The following MTHFD1 variants were observed in gnomAD, a reference collection of about 807,000 sequenced individuals.
MTHFD1 encodes methylenetetrahydrofolate dehydrogenase, cyclohydrolase and formyltetrahydrofolate synthetase 1, also known as C-1-tetrahydrofolate synthase, cytoplasmic.
A neutral mutation model predicts 110.3 loss-of-function variants in MTHFD1; 44 were observed. That is an observed-to-expected ratio of 0.40 (90% CI 0.31 to 0.51). MTHFD1 has a LOEUF of 0.51. Among genes scored for constraint, MTHFD1 ranks in the 20% least tolerant of loss-of-function variants. The probability of loss-of-function intolerance (pLI) is 0.60; values close to 1 mark genes in which losing one functional copy is unlikely to be tolerated. For synonymous variants in MTHFD1, 402 were observed against 428.8 expected, an observed-to-expected ratio of 0.94 and a Z score of 0.77; for missense variants, 909 against 1,173.1, an observed-to-expected ratio of 0.77 and a Z score of 3.29.
At chr14:64,393,786 T>C (rs1453192648) in intron 1 of MTHFD1, among the ~76,000 whole-genome samples, 1 of 152,134 alleles carries the variant, frequency 6.6e-6, no homozygotes, top group Non-Finnish European at 1.5e-5. Flanking sequence ...TGAAGAATCT[T>C]CTAGAAGGAA....
At position 64,397,182 on chromosome 14, in the gene MTHFD1, TATATATATAAAA is replaced by T. The variant is rs1208082390; in HGVS notation, c.42-3609_42-3598del. ...ATATATATATATATATATATATATATATATATATAAAAAACAGTAATCTATTGGGGCAGGGGA... is the reference window on the plus strand; with the variant it reads ...ATATATATATATATATATATATATATAACAGTAATCTATTGGGGCAGGGGA... On this transcript the variant is annotated intron_variant, in intron 1 of 27. Transcript: ENST00000652337. 7.6e-3 allele frequency among the ~76,000 whole-genome samples: 115 copies of T among 15,200 alleles called. 3 individuals carry two copies. The highest frequency in any genetic ancestry group is 9.1e-3 in the Non-Finnish European group (81 of 8,914). 10.0% of individuals were successfully genotyped at this position (15,200 alleles called of 152,430 possible).
In MTHFD1 at chr14:64,416,246, A is replaced by AAAACAAAC. The variant is rs143248526; in HGVS notation, c.478+510_478+511insCAAACAAA. On this transcript the variant is annotated intron_variant, in intron 6 of 27. Coordinates refer to ENST00000652337, the MANE Select transcript of MTHFD1 (RefSeq NM_005956.4). ...GGCAACAGAGCGAGACTCTGTCTCT[A>AAAACAAAC]AAATAAACAAACAAACAAACAAACA... Among the ~76,000 whole-genome samples the AAAACAAAC allele has an allele frequency of 2.1e-3, 319 of 148,966 alleles. 2 individuals are homozygous for AAAACAAAC. The highest frequency in any genetic ancestry group is 5.2e-3 in the South Asian group (25 of 4,774).
intron 18 of MTHFD1, 90 bp from the exon 19 acceptor site, chr14:64,441,295 C>A: frequency 1.6e-6 from 2 of 1,237,874 alleles, no homozygotes; most frequent in Admixed American, 1.7e-5. Context: ...AGATGGCTAA[C>A]ATGGGTAAGC....
Position 64,453,874 on chromosome 14 carries a change from T to A in MTHFD1, c.2565+13T>A. The A allele has an allele frequency of 2.6e-6, 4 of 1,542,144 alleles. No homozygotes were observed. The South Asian group carries it at 4.5e-5, about 17-fold the overall frequency. On this transcript the variant is annotated intron_variant, in intron 25 of 27. Transcript: ENST00000652337. ...CTACACGAAGCAGGTAGATGTTTGG[T>A]TAGTTTGTCCTTTCAACTCTTTGCA... is the stretch of plus-strand genomic sequence containing the variant.
In MTHFD1 at chr14:64,417,513, C is replaced by T. The variant is rs138766534; in HGVS notation, c.479-375C>T. 6.6e-6 allele frequency among the ~76,000 whole-genome samples: 1 copy of T among 152,180 alleles called. No individual in the cohort carries two copies. Among genetic ancestry groups the T allele is most frequent in the African/African-American group, 2.4e-5 (1 of 41,440 alleles). ...ACATCTCTCCAGCCTGTTACATACA[C>T]CCTATTTGTTTTAACTTTTTTTCCC... On this transcript the variant is annotated intron_variant, in intron 6 of 27. Transcript: ENST00000652337. The surrounding 1 kb of genome is among the most constrained non-coding windows in gnomAD (Gnocchi z 4.4).
intron 1 of MTHFD1, among the ~76,000 whole-genome samples, chr14:64,394,492 C>T (rs1413832776): frequency 1.3e-5 from 2 of 152,026 alleles, no homozygotes; most frequent in Non-Finnish European, 2.9e-5. Flanking sequence ...AAGTTATAGT[C>T]CAATTTTGAC....
Position 64,449,528 on chromosome 14 carries a change from G to A in MTHFD1, c.2363G>A (p.Trp788Ter). ...TTTGATGCCGTGAAGTGCACTCACT[G>A]GGCAGAAGGGGGCAAGGGTGCCTTA... ...GAFDAVKCTH[W>*]AEGGKGALAL... Residue 788 changes from tryptophan (W) to a stop codon, truncating the protein, a stop_gained, in exon 24 of 28, where the codon TGG becomes TAG. Transcript: ENST00000652337. LOFTEE classifies it high-confidence loss of function. 6.2e-7 allele frequency: 1 copy of A among 1,614,192 alleles called. No individual in the cohort carries two copies. Among genetic ancestry groups the A allele is most frequent in the Non-Finnish European group, 8.5e-7 (1 of 1,180,032 alleles).
chr14:64,390,814 A>G (rs1443676846), intron 1 of MTHFD1, among the ~76,000 whole-genome samples: 1 of 151,996 alleles, frequency 6.6e-6, no homozygotes, highest in Admixed American at 6.5e-5. Flanking sequence ...CCGTCCGGCT[A>G]ATTTTTGTAT....
At chr14:64,452,692 A>G (rs1436131300) in intron 24 of MTHFD1, among the ~76,000 whole-genome samples, 2 of 152,118 alleles carry the variant, frequency 1.3e-5, no homozygotes, top group African/African-American at 2.4e-5. Flanking sequence ...TTTTATGACT[A>G]TTTCCTAATT....
At chr14:64,408,157 A>G (rs1264432696) in intron 2 of MTHFD1, among the ~76,000 whole-genome samples, 1 of 151,914 alleles carries the variant, frequency 6.6e-6, no homozygotes, top group Non-Finnish European at 1.5e-5. Flanking sequence ...TAAAATATAC[A>G]CCGTCTGCCC....
intron 8 of MTHFD1, among the ~76,000 whole-genome samples, chr14:64,422,511 A>G (rs1447996494): frequency 6.6e-6 from 1 of 152,174 alleles, no homozygotes; most frequent in Admixed American, 6.5e-5. Context: ...GAAACACATA[A>G]AAGTGCTCTT....
chr14:64,401,352 G>A (rs1032939035), intron 2 of MTHFD1, among the ~76,000 whole-genome samples: 3 of 152,090 alleles, frequency 2.0e-5, no homozygotes, highest in African/African-American at 7.2e-5. Flanking sequence ...AAAGATGTAA[G>A]ACCTCAAGAA....
In MTHFD1 at chr14:64,442,796, C is replaced by G. The variant is rs564058806; in HGVS notation, c.2136+394C>G. Among the ~76,000 whole-genome samples the G allele has an allele frequency of 7.2e-5, 11 of 152,270 alleles. No homozygotes were observed. The South Asian group carries it at 1.0e-3, about 14-fold the overall frequency. On this transcript the variant is annotated intron_variant, in intron 21 of 27. Coordinates refer to ENST00000652337, the MANE Select transcript of MTHFD1 (RefSeq NM_005956.4). ...AGTTAGCTGAGACAGAGGTCAGCCC[C>G]TTCTTGAGTATACTGTTCATGCTGG...
chr14:64,446,866 CAG>C (rs2078293369), intron 22 of MTHFD1, among the ~76,000 whole-genome samples: 1 of 151,848 alleles, frequency 6.6e-6, no homozygotes, highest in Non-Finnish European at 1.5e-5. Context: ...TTTTTACAGA[CAG>C]GGTCTCACTC....
Position 64,441,386 on chromosome 14 carries a change from G to A in MTHFD1, c.1817G>A (p.Gly606Glu). Residue 606 changes from glycine (G) to glutamate (E), a missense_variant and splice_region_variant, in exon 19 of 28, where the codon GGG (glycine) becomes GAG (glutamate). Transcript: ENST00000652337. Reference sequence around the variant, plus strand: ...ATGCTGCACACATTTGTTTTGTAGGGGGTGAGTGGTGCACTGACAGTGCTT... The same window carrying A: ...ATGCTGCACACATTTGTTTTGTAGGAGGTGAGTGGTGCACTGACAGTGCTT... The part of the protein sequence containing the change: ...KGEPVSAEDL[G>E]VSGALTVLMK... 1 of 1,614,058 alleles carries A rather than the reference G, an allele frequency of 6.2e-7. No individual in the cohort carries two copies. Among genetic ancestry groups the A allele is most frequent in the Non-Finnish European group, 8.5e-7 (1 of 1,179,972 alleles).
At chr14:64,402,790 C>CAG (rs34415604) in intron 2 of MTHFD1, among the ~76,000 whole-genome samples, 140,664 of 151,604 alleles carry the variant, frequency 0.93, 65,534 homozygotes, top group Middle Eastern at 0.99. Context: ...GCTTAGGTGA[C>CAG]AGTGAGATCC....
chr14:64,420,058 A>G (rs755410775), intron 8 of MTHFD1, 133 bp downstream of exon 8: 8 of 741,556 alleles, frequency 1.1e-5, no homozygotes, highest in East Asian at 2.7e-5. Context: ...GACTAGCCCA[A>G]GGGTGCACAG....
Position 64,442,401 on chromosome 14 carries a change from C to T in MTHFD1, c.2135C>T (p.Thr712Met), listed in dbSNP as rs771115362. 8.1e-6 allele frequency: 13 copies of T among 1,613,888 alleles called. No individual in the cohort carries two copies. The highest frequency in any genetic ancestry group is 3.3e-5 in the Admixed American group (2 of 60,000). Reference protein sequence around the residue: ...RALKMHGGGPTVTAGLPLPKA... With the variant: ...RALKMHGGGPMVTAGLPLPKA... ...CTCAAGATGCACGGGGGCGGCCCCA[C>T]GGTGAGTGGTGGGTTGAAGTATCTG... Residue 712 changes from threonine (T) to methionine (M), a missense_variant and splice_region_variant, in exon 21 of 28, where the codon ACG becomes ATG. By Grantham distance (81) the Thr-to-Met change is moderately conservative. Coordinates refer to ENST00000652337, the MANE Select transcript of MTHFD1 (RefSeq NM_005956.4).
rs2078126030 is a variant in MTHFD1 at position 64,427,323 on chromosome 14, C to T, written c.1128-14C>T. 6.2e-7 allele frequency: 1 copy of T among 1,613,906 alleles called. No homozygotes were observed. Among genetic ancestry groups the T allele is most frequent in the African/African-American group, 1.3e-5 (1 of 74,922 alleles). ...ATTCTTTAAACCTTTTTCTCTTTTGCTTTCGTCTTGAAGAATAACTCCAAC... is the reference window on the plus strand; with the variant it reads ...ATTCTTTAAACCTTTTTCTCTTTTGTTTTCGTCTTGAAGAATAACTCCAAC... On this transcript the variant is annotated splice_polypyrimidine_tract_variant and intron_variant, in intron 11 of 27. Coordinates refer to ENST00000652337, the MANE Select transcript of MTHFD1 (RefSeq NM_005956.4).
Sources: allele counts gnomAD v4.1 joint callset (sites outside exome capture counted in the v4.1 genomes callset), GRCh38; gene constraint gnomAD v4.1.1; non-coding constraint Gnocchi (gnomAD v3.1); transcripts MANE v1.5; gene names NCBI Gene and HGNC (gene_info 2026-07-23, HGNC 2026-07-21).